Variants in ASCC3 observed in about 807,000 individuals in gnomAD.
ASCC3 encodes ASC-1 complex subunit P200.
Under a neutral mutation model 256.3 loss-of-function variants are expected in ASCC3, and 158 were observed. That is an observed-to-expected ratio of 0.62 (90% confidence interval 0.54 to 0.70). The LOEUF (loss-of-function observed/expected upper bound fraction) is 0.70. Among genes scored for constraint, ASCC3 ranks in the 30% least tolerant of loss-of-function variants. ASCC3 has a pLI of 0.00. For synonymous variants in ASCC3, 948 were observed against 883.4 expected (o/e 1.07, Z -1.30); for missense variants, 2,259 against 2,626.0 (o/e 0.86, Z 3.05).
intron 3 of ASCC3, chr6:100,856,220 G>A: frequency 3.8e-6 from 1 of 260,376 alleles, no homozygotes; most frequent in Non-Finnish European, 6.0e-6. Flanking sequence ...TATCACAATA[G>A]GTTTTGATAT....
rs926480681 is a variant in ASCC3 at position 100,627,649 on chromosome 6, C to G, written c.4583G>C (p.Gly1528Ala). 5.0e-6 allele frequency: 8 copies of G among 1,613,462 alleles called. No homozygotes were observed. The highest frequency in any genetic ancestry group is 6.8e-6 in the Non-Finnish European group (8 of 1,179,762). Residue 1528 changes from glycine to alanine, a missense_variant, in exon 29 of 42, where the codon GGC becomes GCC. By Grantham distance (60) the Gly-to-Ala change is moderately conservative. Transcript: ENST00000369162. The part of the protein sequence containing the change: ...RPVPLEVHIQ[G>A]FPGQHYCPRM... ...AGGACAGTAATGTTGACCTGGAAAG[C>G]CTTGAATGTGAACTTCCAGTGGAAC... is the stretch of plus-strand genomic sequence containing the variant.
intron 33 of ASCC3, among the ~76,000 whole-genome samples, chr6:100,604,579 A>G (rs1425066414): frequency 1.5e-4 from 23 of 151,048 alleles, no homozygotes; most frequent in Admixed American, 1.5e-3. Flanking sequence ...TCAGGACCAC[A>G]TGCATGAACC....
At chr6:100,536,336 T>C (rs1040325456) in intron 37 of ASCC3, among the ~76,000 whole-genome samples, 2 of 152,180 alleles carry the variant, frequency 1.3e-5, no homozygotes, top group Non-Finnish European at 2.9e-5. Context: ...TAAATATAGA[T>C]GTTTTTACAC....
intron 20 of ASCC3, among the ~76,000 whole-genome samples, chr6:100,648,584 GTAGA>G (rs529712601): frequency 1.3e-5 from 2 of 152,036 alleles, no homozygotes; most frequent in African/African-American, 4.8e-5. Flanking sequence ...GTACAAAATG[GTAGA>G]TAGAAGTATG....
intron 4 of ASCC3, among the ~76,000 whole-genome samples, chr6:100,824,183 C>A (rs846801): frequency 0.026 from 4,013 of 152,126 alleles, 181 homozygotes; most frequent in African/African-American, 0.092. Flanking sequence ...AATATTATAT[C>A]CAAGTAAAAC....
intron 14 of ASCC3, among the ~76,000 whole-genome samples, chr6:100,671,693 C>G (rs1204492476): frequency 1.3e-5 from 2 of 151,982 alleles, no homozygotes; most frequent in Non-Finnish European, 1.5e-5. Flanking sequence ...TTCCTTTCCC[C>G]CAGTGAAAGC....
In ASCC3 at chr6:100,565,574, A is replaced by C. The variant is rs188993227; in HGVS notation, c.5550+24060T>G. ...CCTTACTGCTTTTTTATTTGGAGGTAGGATGATGTGGCAGTGAAGGTTCAT... is the reference window on the plus strand; with the variant it reads ...CCTTACTGCTTTTTTATTTGGAGGTCGGATGATGTGGCAGTGAAGGTTCAT... On this transcript the variant is annotated intron_variant, in intron 36 of 41. Coordinates refer to ENST00000369162, the MANE Select transcript of ASCC3 (RefSeq NM_006828.4). 4.2e-3 allele frequency among the ~76,000 whole-genome samples: 647 copies of C among 152,312 alleles called. 4 individuals are homozygous for C. Among genetic ancestry groups the C allele is most frequent in the African/African-American group, 0.015 (625 of 41,580 alleles).
At chr6:100,525,497 A>G (rs1001985809) in intron 37 of ASCC3, among the ~76,000 whole-genome samples, 4 of 152,100 alleles carry the variant, frequency 2.6e-5, no homozygotes, top group Non-Finnish European at 5.9e-5. Flanking sequence ...ATGAGACTCC[A>G]GAATAGAAAA....
chr6:100,557,184 T>A (rs772357605), intron 36 of ASCC3, among the ~76,000 whole-genome samples: 3 of 152,186 alleles, frequency 2.0e-5, no homozygotes, highest in Non-Finnish European at 4.4e-5. Context: ...TTTATTTTTG[T>A]TACATGCTCC....
At chr6:100,694,276 G>C (rs1418993575) in intron 13 of ASCC3, among the ~76,000 whole-genome samples, 1 of 151,330 alleles carries the variant, frequency 6.6e-6, no homozygotes, top group Non-Finnish European at 1.5e-5. Context: ...AGATTAGCCT[G>C]GGCAACAAAG....
chr6:100,617,259 C>T (rs537282487), intron 30 of ASCC3, among the ~76,000 whole-genome samples: 53 of 152,200 alleles, frequency 3.5e-4, no homozygotes, highest in Non-Finnish European at 5.3e-4. Context: ...CTGCCTGCCT[C>T]GGCCTCCCAA....
chr6:100,748,134 C>T (rs190020912), intron 10 of ASCC3, among the ~76,000 whole-genome samples: 2 of 152,130 alleles, frequency 1.3e-5, no homozygotes, highest in East Asian at 3.9e-4. Flanking sequence ...GAGAAGTCAA[C>T]TTACTTCCAA....
At chr6:100,606,600 T>A in intron 32 of ASCC3, 140 bp downstream of exon 32, 1 of 934,592 alleles carries the variant, frequency 1.1e-6, no homozygotes. Context: ...AAACAAAAAG[T>A]CTATAATTGC....
In ASCC3 at chr6:100,613,070, C is replaced by CT. The variant is rs529659670; in HGVS notation, c.4786-5983dup. Among the ~76,000 whole-genome samples the CT allele has an allele frequency of 3.6e-4, 52 of 142,688 alleles. No homozygotes were observed. In the South Asian group the frequency reaches 6.2e-3, roughly 17 times the overall value. The allele number at this position is 142,688 out of a possible 152,430, so 93.6% of individuals were successfully genotyped here. On this transcript the variant is annotated intron_variant, in intron 30 of 41. Transcript: ENST00000369162. ...TAATTCTTTTTTTCTTTCTTTCTTTCTTTTTTTTTTCAGGAAAGCATGCTT... is the reference window on the plus strand; with the variant it reads ...TAATTCTTTTTTTCTTTCTTTCTTTCTTTTTTTTTTTCAGGAAAGCATGCTT...
At chr6:100,746,668 G>A (rs1270752427) in intron 10 of ASCC3, among the ~76,000 whole-genome samples, 1 of 151,944 alleles carries the variant, frequency 6.6e-6, no homozygotes, top group Non-Finnish European at 1.5e-5. Flanking sequence ...AGTAATAGGT[G>A]GAAAAAGTTA....
At chr6:100,573,712 C>T (rs1002311488) in intron 36 of ASCC3, among the ~76,000 whole-genome samples, 19 of 152,090 alleles carry the variant, frequency 1.2e-4, no homozygotes, top group Non-Finnish European at 2.5e-4. Context: ...TAAGCAGAGA[C>T]TTACTACCGA....
intron 13 of ASCC3, among the ~76,000 whole-genome samples, chr6:100,710,176 T>G (rs1329768472): frequency 1.3e-5 from 2 of 152,168 alleles, no homozygotes; most frequent in African/African-American, 4.8e-5. Context: ...CTTTACACAA[T>G]TACCCACAGG....
At chr6:100,770,480 T>C (rs928510426) in intron 8 of ASCC3, among the ~76,000 whole-genome samples, 1 of 142,034 alleles carries the variant, frequency 7.0e-6, no homozygotes, top group African/African-American at 2.7e-5. Context: ...TGTACTGGAG[T>C]GCAATTGGAA....
At chr6:100,690,236 A>G (rs956245319) in intron 13 of ASCC3, among the ~76,000 whole-genome samples, 2 of 152,106 alleles carry the variant, frequency 1.3e-5, no homozygotes, top group African/African-American at 2.4e-5. Flanking sequence ...TTGTTATTAT[A>G]CTGTATTGTT....
Sources: allele counts gnomAD v4.1 joint callset (sites outside exome capture counted in the v4.1 genomes callset), GRCh38; gene constraint gnomAD v4.1.1; transcripts MANE v1.5; gene names NCBI Gene and HGNC (gene_info 2026-07-23, HGNC 2026-07-21).